GOLGA4: variants seen among roughly 807,000 people sequenced by gnomAD.
The protein encoded by GOLGA4 is golgin A4.
Under a neutral mutation model 265.9 loss-of-function variants are expected in GOLGA4, and 169 were observed. The observed-to-expected ratio is 0.64, with a 90% CI of 0.56 to 0.72. The LOEUF is 0.72. Among genes scored for constraint, GOLGA4 ranks in the 30% least tolerant of loss-of-function variants. The pLI, the probability that GOLGA4 is intolerant of heterozygous loss-of-function variation, is 0.00. For missense variants in GOLGA4, 2,482 were observed against 2,483.4 expected (o/e 1.00, Z 0.01); for synonymous variants, 923 against 855.8 (o/e 1.08, Z -1.37).
Position 37,319,252 on chromosome 3 carries a change from T to C in GOLGA4, c.1545+58T>C, listed in dbSNP as rs185220424. ...TATACTTCTCAGAGTTACAAAGTTA[T>C]CATCCTCTCACTGTTGCATTCCAGT... is the stretch of plus-strand genomic sequence containing the variant. On this transcript the variant is annotated intron_variant, in intron 12 of 23. Coordinates refer to ENST00000361924, the MANE Select transcript of GOLGA4 (RefSeq NM_002078.5). 6.2e-4 allele frequency: 848 copies of C among 1,375,732 alleles called. 4 individuals carry two copies. The highest frequency in any genetic ancestry group is 2.8e-4 in the Non-Finnish European group (275 of 994,546). 85.2% of individuals were successfully genotyped at this position (1,375,732 alleles called of 1,614,324 possible).
At chr3:37,346,440 A>G (rs1377345502) in intron 20 of GOLGA4, among the ~76,000 whole-genome samples, 1 of 152,132 alleles carries the variant, frequency 6.6e-6, no homozygotes, top group African/African-American at 2.4e-5. Context: ...TCCTATGTAA[A>G]TTACTTTTTT....
chr3:37,262,219 A>AAATTGGCCGGGC (rs2096771523), intron 2 of GOLGA4, among the ~76,000 whole-genome samples: 1 of 152,200 alleles, frequency 6.6e-6, no homozygotes, highest in African/African-American at 2.4e-5. Context: ...GAAATCCTGG[A>AAATTGGCCGGGC]AATTGGCCGG....
At chr3:37,317,037 A>G (rs940889208) in intron 11 of GOLGA4, among the ~76,000 whole-genome samples, 1 of 152,184 alleles carries the variant, frequency 6.6e-6, no homozygotes, top group Admixed American at 6.5e-5. Context: ...TTGATAATTC[A>G]TAGTGATACC....
intron 2 of GOLGA4, among the ~76,000 whole-genome samples, chr3:37,263,996 G>C (rs1308604659): frequency 6.6e-6 from 1 of 152,142 alleles, no homozygotes; most frequent in African/African-American, 2.4e-5. Flanking sequence ...AAATAACAAG[G>C]TCAACAAAGA....
chr3:37,282,325 A>G lies in GOLGA4; in HGVS notation c.477+53A>G, dbSNP rs1329123268. 1.6e-5 allele frequency: 21 copies of G among 1,296,794 alleles called. No homozygotes were observed. The Admixed American group carries it at 2.4e-4, about 15-fold the overall frequency. The allele number at this position is 1,296,794 out of a possible 1,614,324, so 80.3% of individuals were successfully genotyped here. A position where few individuals can be genotyped will look rare whatever the true frequency, so the allele number is the denominator to read the frequency against. On this transcript the variant is annotated intron_variant, in intron 3 of 23. Transcript: ENST00000361924. ...AAAAATTTCTTCCCCTTGTTCTCTC[A>G]TTCATATTACTGTATTGCTTTACTC...
chr3:37,340,580 G>C (rs1021522593), intron 20 of GOLGA4, among the ~76,000 whole-genome samples: 2 of 152,024 alleles, frequency 1.3e-5, no homozygotes, highest in Non-Finnish European at 2.9e-5. Flanking sequence ...CTTCCTTATT[G>C]AACTGAAATT....
chr3:37,251,229 G>A (rs2096732809), intron 1 of GOLGA4, among the ~76,000 whole-genome samples, 166 bp from the exon 2 acceptor site: 1 of 152,122 alleles, frequency 6.6e-6, no homozygotes, highest in East Asian at 1.9e-4. Context: ...GGTAGCCTGG[G>A]TTTTCTAGTT....
At position 37,275,925 on chromosome 3, in the gene GOLGA4, A is replaced by C. The variant is rs915275631; in HGVS notation, c.163-6033A>C. ...ATCAAATCCTGGAAAAAATTATTAG[A>C]TGGGCCATCAACTGAGAAAGACCTT... On this transcript the variant is annotated intron_variant, in intron 2 of 23. Coordinates refer to ENST00000361924, the MANE Select transcript of GOLGA4 (RefSeq NM_002078.5). The C allele has an allele frequency of 5.6e-6, 9 of 1,613,614 alleles. No homozygotes were observed. The African/African-American group carries it at 1.2e-4, about 22-fold the overall frequency.
In GOLGA4 at chr3:37,295,025, T is replaced by C. The variant is rs756927634; in HGVS notation, c.629T>C (p.Phe210Ser). The change falls in exon 6 of 24, where the codon TTT (phenylalanine) becomes TCT (serine). Residue 210 changes from phenylalanine to serine, a missense_variant. This residue lies in a region of GOLGA4 where 1,536 missense variants were observed against 1,483.7 expected (regional missense o/e 1.04). Coordinates refer to ENST00000361924, the MANE Select transcript of GOLGA4 (RefSeq NM_002078.5). ...QQAKKHLQEE[F>S]DASLEEKDQY... ...GCAAAGAAACATCTGCAAGAGGAGT[T>C]TGATGCATCTTTAGAGGAGAAAGAT... 3 of 1,610,882 alleles carry C rather than the reference T, an allele frequency of 1.9e-6. No homozygotes were observed. Among genetic ancestry groups the C allele is most frequent in the Non-Finnish European group, 8.5e-7 (1 of 1,177,764 alleles).
rs756446504 is a variant in GOLGA4 at position 37,286,113 on chromosome 3, A to G, written c.525+52A>G. On this transcript the variant is annotated intron_variant, in intron 4 of 23. Coordinates refer to ENST00000361924, the MANE Select transcript of GOLGA4 (RefSeq NM_002078.5). ...GAGTCATAATTTTTAAATCAGAAAG[A>G]TCTTATATAGTAAGATATTTCTTTC... is the stretch of plus-strand genomic sequence containing the variant. The G allele has an allele frequency of 4.2e-5, 30 of 719,270 alleles. No individual in the cohort carries two copies. The Admixed American group carries it at 7.0e-4, about 17-fold the overall frequency. The allele number at this position is 719,270 out of a possible 1,614,324, so 44.6% of individuals were successfully genotyped here.
chr3:37,259,823 C>T (rs922740988), intron 2 of GOLGA4, among the ~76,000 whole-genome samples: 3 of 151,990 alleles, frequency 2.0e-5, no homozygotes, highest in South Asian at 2.1e-4. Context: ...TTTTCATTGG[C>T]GATTAAGACT....
chr3:37,244,033 T>C, intron 1 of GOLGA4: 2 of 170,800 alleles, frequency 1.2e-5, no homozygotes, highest in Non-Finnish European at 2.5e-5. Flanking sequence ...GCTCGAGGGG[T>C]CCCCCTCTCT....
chr3:37,254,176 C>T (rs1259579643), intron 2 of GOLGA4, among the ~76,000 whole-genome samples: 1 of 152,146 alleles, frequency 6.6e-6, no homozygotes, highest in Non-Finnish European at 1.5e-5. Context: ...CTCAGTACTG[C>T]AGCTTTCATT....
At position 37,319,112 on chromosome 3, in the gene GOLGA4, A is replaced by T; in HGVS notation, c.1463A>T (p.Glu488Val). 1 of 1,610,622 alleles carries T rather than the reference A, an allele frequency of 6.2e-7. No homozygotes were observed. Among genetic ancestry groups the T allele is most frequent in the Non-Finnish European group, 8.5e-7 (1 of 1,178,002 alleles). ...AAGCTACAGAAGCTTCATGAAAAGG[A>T]GCTGGCCAGAAAAGAGCAGGAACTG... Reference protein sequence around the residue: ...IAKLQKLHEKELARKEQELTK... With the variant: ...IAKLQKLHEKVLARKEQELTK... Residue 488 changes from glutamate to valine, a missense_variant, in exon 12 of 24, where the codon GAG (glutamate) becomes GTG (valine). This residue lies in a region of GOLGA4 where 1,536 missense variants were observed against 1,483.7 expected (regional missense o/e 1.04). Transcript: ENST00000361924.
At chr3:37,257,932 TATAC>T (rs1298772065) in intron 2 of GOLGA4, among the ~76,000 whole-genome samples, 3 of 110,822 alleles carry the variant, frequency 2.7e-5, no homozygotes, top group Non-Finnish European at 5.1e-5. Context: ...TATATGTATA[TATAC>T]ATACATATAT....
intron 14 of GOLGA4, among the ~76,000 whole-genome samples, 153 bp from the exon 15 acceptor site, chr3:37,328,263 C>G (rs895570852): frequency 7.0e-6 from 1 of 143,612 alleles, no homozygotes; most frequent in Non-Finnish European, 1.6e-5. Context: ...CACACACACA[C>G]ACACACTCAC....
intron 2 of GOLGA4, among the ~76,000 whole-genome samples, chr3:37,277,851 C>T (rs2096823631): frequency 6.6e-6 from 1 of 151,978 alleles, no homozygotes; most frequent in Non-Finnish European, 1.5e-5. Flanking sequence ...TTCTGTCAGG[C>T]ACCCGTAGAA....
intron 1 of GOLGA4, among the ~76,000 whole-genome samples, chr3:37,245,721 G>A (rs1243237584): frequency 1.3e-5 from 2 of 152,060 alleles, no homozygotes; most frequent in Non-Finnish European, 2.9e-5. Flanking sequence ...CTTTGTGTAC[G>A]AAAGGTTTAA....
rs780735137 is a variant in GOLGA4, at chr3:37,327,303, A to G, written c.5417A>G (p.Lys1806Arg). 16 of 1,613,698 alleles carry G rather than the reference A, an allele frequency of 9.9e-6. No homozygotes were observed. Among genetic ancestry groups the G allele is most frequent in the Admixed American group, 1.7e-5 (1 of 59,962 alleles). Reference sequence around the variant, plus strand: ...CAAGAGGAGCTTGAAGAAAAAAACAAGAAATATTCCTTGATAGTAGCCCAG... The same window carrying G: ...CAAGAGGAGCTTGAAGAAAAAAACAGGAAATATTCCTTGATAGTAGCCCAG... ...HLQEELEEKNKKYSLIVAQHV... is the reference protein window; with the variant it reads ...HLQEELEEKNRKYSLIVAQHV... Residue 1806 changes from lysine to arginine, a missense_variant, in exon 14 of 24, where the codon AAG becomes AGG. By Grantham distance (26) the Lys-to-Arg change is conservative. Transcript: ENST00000361924.
Sources: gnomAD v4.1 joint callset for allele counts (sites outside exome capture counted in the v4.1 genomes callset) on GRCh38, gnomAD v4.1.1 for gene constraint, gnomAD v4.1.1 regional missense constraint, MANE v1.5 for transcripts, NCBI Gene and HGNC (gene_info 2026-07-23, HGNC 2026-07-21) for gene names.